Variants in GRAMD2B observed in about 807,000 individuals in gnomAD.
GRAMD2B encodes GRAM domain-containing protein 2B.
GRAMD2B carries 41 observed loss-of-function variants against 59.2 expected under a neutral mutation model. That is an observed-to-expected ratio of 0.69 (90% CI 0.54 to 0.90). The LOEUF (loss-of-function observed/expected upper bound fraction) is 0.90, where lower values mean the gene tolerates loss of function less well. Ranked by LOEUF, GRAMD2B falls within the 40% of genes least tolerant of loss-of-function variation. The probability of loss-of-function intolerance (pLI) is 0.00; values close to 1 mark genes in which losing one functional copy is unlikely to be tolerated. For synonymous variants in GRAMD2B, 161 were observed against 182.7 expected (o/e 0.88, Z 0.96); for missense variants, 424 against 500.5 (o/e 0.85, Z 1.46).
intron 12 of GRAMD2B, 98 bp downstream of exon 12, chr5:126,487,075 A>T (rs1396116896): frequency 1.4e-6 from 1 of 693,892 alleles, no homozygotes; most frequent in Non-Finnish European, 2.6e-6. Context: ...TTAATTGGAG[A>T]TACATTCTGT....
At chr5:126,378,388 T>C (rs1755382807) in intron 1 of GRAMD2B, among the ~76,000 whole-genome samples, 1 of 152,232 alleles carries the variant, frequency 6.6e-6, no homozygotes, top group South Asian at 2.1e-4. Context: ...TTTTCTGGAT[T>C]TGGAGATGTT....
At chr5:126,453,539 A>G (rs1015490394) in intron 1 of GRAMD2B, among the ~76,000 whole-genome samples, 2 of 152,236 alleles carry the variant, frequency 1.3e-5, no homozygotes, top group African/African-American at 4.8e-5. Flanking sequence ...CACTATCAGC[A>G]GCATCAATCT....
intron 5 of GRAMD2B, among the ~76,000 whole-genome samples, chr5:126,477,486 C>A (rs1038874508): frequency 6.6e-6 from 1 of 152,158 alleles, no homozygotes; most frequent in Non-Finnish European, 1.5e-5. Context: ...TAAGATTTAT[C>A]CTCTGGCTTA....
chr5:126,480,889 T>C, intron 8 of GRAMD2B, 182 bp downstream of exon 8: 1 of 598,282 alleles, frequency 1.7e-6, no homozygotes, highest in South Asian at 2.1e-5. Flanking sequence ...ATAAACTTTT[T>C]CCAAGTAATT....
At chr5:126,462,606 A>G (rs1225901997) in intron 1 of GRAMD2B, among the ~76,000 whole-genome samples, 2 of 152,146 alleles carry the variant, frequency 1.3e-5, no homozygotes, top group Non-Finnish European at 2.9e-5. Context: ...CGTATAAATG[A>G]CCACTGTGAG....
chr5:126,468,772 G>C (rs558112550), intron 2 of GRAMD2B, among the ~76,000 whole-genome samples: 7 of 152,124 alleles, frequency 4.6e-5, no homozygotes, highest in Non-Finnish European at 1.0e-4. Flanking sequence ...ACAGGCATGA[G>C]CCACTGTGCC....
At chr5:126,362,187 C>G (rs998568948) in intron 1 of GRAMD2B, among the ~76,000 whole-genome samples, 5 of 152,168 alleles carry the variant, frequency 3.3e-5, no homozygotes, top group African/African-American at 7.2e-5. Context: ...CCTATGAGCT[C>G]AATTCTGAAG....
intron 1 of GRAMD2B, among the ~76,000 whole-genome samples, chr5:126,394,993 T>C (rs1757235178): frequency 6.6e-6 from 1 of 151,590 alleles, no homozygotes; most frequent in South Asian, 2.1e-4. Context: ...CTCCAAAGTA[T>C]ATTAATGAAG....
At chr5:126,422,712 G>A (rs1012102892), upstream of GRAMD2B, among the ~76,000 whole-genome samples, 1 of 152,166 alleles carries the variant, frequency 6.6e-6, no homozygotes, top group African/African-American at 2.4e-5. Context: ...CTTAGAACAG[G>A]CAAGTCAAAA....
intron 1 of GRAMD2B, among the ~76,000 whole-genome samples, chr5:126,366,219 A>T (rs1442162516): frequency 6.6e-6 from 1 of 152,170 alleles, no homozygotes; most frequent in Non-Finnish European, 1.5e-5. Flanking sequence ...AGAGGAAGGG[A>T]CTTAAGATAT....
intron 1 of GRAMD2B, among the ~76,000 whole-genome samples, chr5:126,444,457 A>G (rs1763849625): frequency 6.6e-6 from 1 of 152,254 alleles, no homozygotes; most frequent in African/African-American, 2.4e-5. Flanking sequence ...AGAATTGGCA[A>G]GAACCTTTTG....
rs187102888 is a variant in GRAMD2B, at chr5:126,394,681, T to C, written c.125+23114T>C. ...ATTGGCTCTACACACGTGAGTGAAA[T>C]AGTCAGGGTTCCTGCTCTCATCTAA... is the stretch of plus-strand genomic sequence containing the variant. On this transcript the variant is annotated intron_variant, in intron 1 of 8. Transcript: ENST00000506445. 6.1e-4 allele frequency among the ~76,000 whole-genome samples: 93 copies of C among 152,356 alleles called. No individual in the cohort carries two copies. In the East Asian group the frequency reaches 0.017, roughly 28 times the overall value.
At chr5:126,467,758 T>C (rs1250274286) in intron 2 of GRAMD2B, 1 of 152,236 alleles carries the variant, frequency 6.6e-6, no homozygotes, top group Admixed American at 6.5e-5. Flanking sequence ...GGAATTTATG[T>C]CTGTGAATAG....
intron 1 of GRAMD2B, among the ~76,000 whole-genome samples, chr5:126,434,915 A>G (rs527291490): frequency 6.6e-6 from 1 of 152,296 alleles, no homozygotes; most frequent in South Asian, 2.1e-4. Context: ...GAAGTTCCTG[A>G]GCATACCTAT....
chr5:126,446,732 T>G, intron 1 of GRAMD2B, among the ~76,000 whole-genome samples: 1 of 151,592 alleles, frequency 6.6e-6, no homozygotes, highest in East Asian at 1.9e-4. Flanking sequence ...GCGAGGAAAC[T>G]GGGGCCCTTA....
intron 1 of GRAMD2B, among the ~76,000 whole-genome samples, chr5:126,453,128 A>G (rs937440187): frequency 6.6e-6 from 1 of 152,218 alleles, no homozygotes; most frequent in African/African-American, 2.4e-5. Context: ...TGAGGTCAGG[A>G]GTTCAAGACC....
chr5:126,421,836 G>T (rs140995567), upstream of GRAMD2B, among the ~76,000 whole-genome samples: 29 of 152,236 alleles, frequency 1.9e-4, no homozygotes, highest in Middle Eastern at 3.4e-3. Flanking sequence ...ATACATACAT[G>T]TACATACTAT....
At chr5:126,455,541 T>TTGTCAGAGA (rs1032315164) in intron 1 of GRAMD2B, among the ~76,000 whole-genome samples, 1 of 152,220 alleles carries the variant, frequency 6.6e-6, no homozygotes, top group Admixed American at 6.5e-5. Context: ...TGACTCCAAA[T>TTGTCAGAGA]TGTATGTATC....
intron 1 of GRAMD2B, among the ~76,000 whole-genome samples, chr5:126,446,877 C>T (rs867889019): frequency 6.6e-6 from 1 of 152,110 alleles, no homozygotes; most frequent in Non-Finnish European, 1.5e-5. Context: ...TCCAAGAAGG[C>T]ATAAAATGAA....
Sources: allele counts gnomAD v4.1 joint callset (sites outside exome capture counted in the v4.1 genomes callset), GRCh38; gene constraint gnomAD v4.1.1; transcripts MANE v1.5; gene names NCBI Gene and HGNC (gene_info 2026-07-23, HGNC 2026-07-21).